Variants in ACSS1 observed in about 807,000 individuals in gnomAD.
ACSS1 encodes the protein acyl-CoA synthetase short chain family member 1.
Under a neutral mutation model 75.3 loss-of-function variants are expected in ACSS1, and 42 were observed. The ratio of observed to expected loss-of-function variants is 0.56; its 90% CI spans 0.44 to 0.72. The LOEUF is 0.72. Among genes scored for constraint, ACSS1 ranks in the 30% least tolerant of loss-of-function variants. The probability of loss-of-function intolerance (pLI) is 0.00; values close to 1 mark genes in which losing one functional copy is unlikely to be tolerated. For synonymous variants in ACSS1, 380 were observed against 376.8 expected (o/e 1.01, Z -0.10); for missense variants, 782 against 935.7 (o/e 0.84, Z 2.14).
intron 7 of ACSS1, 101 bp downstream of exon 7, chr20:25,019,909 A>C: frequency 6.5e-7 from 1 of 1,536,638 alleles, no homozygotes; most frequent in East Asian, 2.3e-5. Context: ...TCACACATAC[A>C]AAGCCGGGCA....
chr20:25,017,449 T>C (rs768765282), intron 7 of ACSS1, among the ~76,000 whole-genome samples: 3 of 152,078 alleles, frequency 2.0e-5, no homozygotes, highest in Non-Finnish European at 4.4e-5. Context: ...TGCTCCGAGG[T>C]GCTGGGAGCC....
At chr20:25,012,488 G>A (rs2088426773) in intron 12 of ACSS1, 113 bp downstream of exon 12, 4 of 1,277,516 alleles carry the variant, frequency 3.1e-6, no homozygotes, top group Non-Finnish European at 4.5e-6. Context: ...CTGAGAGCTT[G>A]GCCCACAGTA....
rs1015127662 is a variant in ACSS1 at position 25,023,630 on chromosome 20, C to A, written c.643G>T (p.Val215Leu). 6.2e-7 allele frequency: 1 copy of A among 1,604,612 alleles called. No homozygotes were observed. The highest frequency in any genetic ancestry group is 1.3e-5 in the African/African-American group (1 of 74,754). The change falls in exon 4 of 14, where the codon GTG (valine) becomes TTG (leucine). Residue 215 changes from valine (V) to leucine (L), a missense_variant. This residue lies in a region of ACSS1 where 377 missense variants were observed against 383.1 expected (regional missense o/e 0.98). Transcript: ENST00000323482. Reference protein sequence around the residue: ...AGRINDAKCKVVITFNQGLRG... With the variant: ...AGRINDAKCKLVITFNQGLRG... ...AGTCCTTGGTTGAAGGTGATAACCACCTTGCACTTGGCTAACAGAGACAAC... is the reference window on the plus strand; with the variant it reads ...AGTCCTTGGTTGAAGGTGATAACCAACTTGCACTTGGCTAACAGAGACAAC...
At chr20:25,009,187 A>G (rs754826459) in intron 13 of ACSS1, 83 bp downstream of exon 13, 11 of 1,222,078 alleles carry the variant, frequency 9.0e-6, no homozygotes, top group Non-Finnish European at 1.2e-5. Flanking sequence ...GAAAAGAGTA[A>G]TATGCTCCTA....
intron 2 of ACSS1, among the ~76,000 whole-genome samples, chr20:25,034,077 C>A (rs2088870917): frequency 6.6e-6 from 1 of 152,158 alleles, no homozygotes; most frequent in South Asian, 2.1e-4. Context: ...TCTCTCCCTT[C>A]CTATTTTCTC....
At chr20:25,022,172 C>T (rs765100106) in intron 5 of ACSS1, among the ~76,000 whole-genome samples, 3 of 152,128 alleles carry the variant, frequency 2.0e-5, no homozygotes, top group Non-Finnish European at 4.4e-5. Flanking sequence ...GCCTGACCAA[C>T]ATGGCAAAAC....
At chr20:25,013,884 G>C in intron 9 of ACSS1, 77 bp downstream of exon 9, 1 of 1,475,670 alleles carries the variant, frequency 6.8e-7, no homozygotes, top group African/African-American at 1.4e-5. Flanking sequence ...TGGGCACACA[G>C]GAGAGAGCTG....
intron 1 of ACSS1, among the ~76,000 whole-genome samples, chr20:25,048,519 T>C (rs924683190): frequency 5.3e-5 from 8 of 152,148 alleles, no homozygotes; most frequent in Admixed American, 3.9e-4. Flanking sequence ...GCCCCCATGG[T>C]TGGTTCTGAT....
chr20:25,053,370 T>C (rs1311856272), intron 1 of ACSS1, among the ~76,000 whole-genome samples: 1 of 152,092 alleles, frequency 6.6e-6, no homozygotes, highest in Admixed American at 6.5e-5. Flanking sequence ...TGGCCCACAA[T>C]GGACTTTCTT....
In ACSS1 at chr20:25,013,578, C is replaced by T. The variant is rs1272396085; in HGVS notation, c.1537G>A (p.Asp513Asn). 9.3e-6 allele frequency: 15 copies of T among 1,607,176 alleles called. No homozygotes were observed. Among genetic ancestry groups the T allele is most frequent in the South Asian group, 3.3e-5 (3 of 90,834 alleles). The change falls in exon 10 of 14, where the codon GAC becomes AAC. Residue 513 changes from aspartate (D) to asparagine (N), a missense_variant. Asp to Asn is a conservative substitution (Grantham distance 23). This residue lies in a region of ACSS1 where 405 missense variants were observed against 552.6 expected (regional missense o/e 0.73). Transcript: ENST00000323482. ...WPGMARTIYG[D>N]HQRFVDAYFK... ...TAGGCGTCCACAAATCGCTGGTGGT[C>T]GCCATAGATGGTCCTGGCCATGCCC...
chr20:25,019,998 C>G lies in ACSS1; in HGVS notation c.1246+12G>C. The G allele has an allele frequency of 6.2e-7, 1 of 1,614,078 alleles. No individual in the cohort carries two copies. The highest frequency in any genetic ancestry group is 1.1e-5 in the South Asian group (1 of 91,088). The stretch of plus-strand genomic sequence containing the variant: ...AAGCACAACCTCTCCTGCTGCAGGG[C>G]AGGCCGCTCACCTGACCCCAGGGTC... On this transcript the variant is annotated intron_variant, in intron 7 of 13. Coordinates refer to ENST00000323482, the MANE Select transcript of ACSS1 (RefSeq NM_032501.4).
Position 25,020,000 on chromosome 20 carries a change from G to T in ACSS1, c.1246+10C>A. ...GCACAACCTCTCCTGCTGCAGGGCA[G>T]GCCGCTCACCTGACCCCAGGGTCCG... On this transcript the variant is annotated intron_variant, in intron 7 of 13. Transcript: ENST00000323482. 1.9e-6 allele frequency: 3 copies of T among 1,614,106 alleles called. No individual in the cohort carries two copies. The highest frequency in any genetic ancestry group is 2.5e-6 in the Non-Finnish European group (3 of 1,180,016).
chr20:25,048,870 C>T (rs946893522), intron 1 of ACSS1, among the ~76,000 whole-genome samples: 5 of 152,214 alleles, frequency 3.3e-5, no homozygotes, highest in African/African-American at 4.8e-5. Flanking sequence ...ATTAGCAGCA[C>T]GGGGCCCCTC....
At chr20:25,019,776 G>A (rs1211188303) in intron 7 of ACSS1, among the ~76,000 whole-genome samples, 1 of 152,234 alleles carries the variant, frequency 6.6e-6, no homozygotes, top group African/African-American at 2.4e-5. Context: ...AGAAACAACG[G>A]CACAGAAAAT....
chr20:25,025,111 G>C (rs1354201496), intron 3 of ACSS1, among the ~76,000 whole-genome samples: 1 of 152,228 alleles, frequency 6.6e-6, no homozygotes, highest in Non-Finnish European at 1.5e-5. Flanking sequence ...AAGGGGACGG[G>C]AGACAAAGAA....
At chr20:25,041,214 C>T (rs935666276) in intron 2 of ACSS1, among the ~76,000 whole-genome samples, 5 of 149,248 alleles carry the variant, frequency 3.4e-5, no homozygotes, top group Non-Finnish European at 5.9e-5. Flanking sequence ...GCCGAGATTG[C>T]GCCACTGTAC....
At chr20:25,044,271 T>A (rs1328433046) in intron 2 of ACSS1, among the ~76,000 whole-genome samples, 1 of 152,200 alleles carries the variant, frequency 6.6e-6, no homozygotes, top group African/African-American at 2.4e-5. Flanking sequence ...TTTCTCCACA[T>A]GGCCACCCCC....
At chr20:25,035,972 G>C (rs961093522) in intron 2 of ACSS1, among the ~76,000 whole-genome samples, 11 of 152,182 alleles carry the variant, frequency 7.2e-5, no homozygotes, top group African/African-American at 2.7e-4. Flanking sequence ...TCAGTGACTG[G>C]TGCCTTGGGC....
chr20:25,025,754 G>A (rs562192808), intron 3 of ACSS1, among the ~76,000 whole-genome samples: 11 of 152,280 alleles, frequency 7.2e-5, no homozygotes, highest in Admixed American at 2.0e-4. Context: ...GCCCTGGTTC[G>A]TGGCCCTGTT....
Sources: gnomAD v4.1 joint callset for allele counts (sites outside exome capture counted in the v4.1 genomes callset) on GRCh38, gnomAD v4.1.1 for gene constraint, gnomAD v4.1.1 regional missense constraint, MANE v1.5 for transcripts, NCBI Gene and HGNC (gene_info 2026-07-23, HGNC 2026-07-21) for gene names.